WWOX: variants seen among roughly 807,000 people sequenced by gnomAD.
WWOX encodes the protein WW domain-containing oxidoreductase.
A neutral mutation model predicts 46.2 loss-of-function variants in WWOX; 69 were observed. The ratio of observed to expected loss-of-function variants is 1.49; its 90% CI spans 1.23 to 1.82. The LOEUF (loss-of-function observed/expected upper bound fraction) is 1.82. Ranked by LOEUF, WWOX falls within the 40% of genes most tolerant of loss-of-function variation. The probability of loss-of-function intolerance (pLI) is 0.00; values close to 1 mark genes in which losing one functional copy is unlikely to be tolerated. For synonymous variants in WWOX, 359 were observed against 202.6 expected (o/e 1.77, Z -6.56); for missense variants, 919 against 542.6 (o/e 1.69, Z -6.89).
At chr16:78,480,183 TAGC>T (rs899296060) in intron 8 of WWOX, among the ~76,000 whole-genome samples, 20 of 152,200 alleles carry the variant, frequency 1.3e-4, no homozygotes, top group East Asian at 5.8e-4. Context: ...TGCTCTGAAA[TAGC>T]AGCCACATTT....
intron 8 of WWOX, among the ~76,000 whole-genome samples, chr16:78,599,863 CT>C (rs2045579701): frequency 6.6e-6 from 1 of 152,070 alleles, no homozygotes; most frequent in Admixed American, 6.5e-5. Flanking sequence ...AGTGAGCTCT[CT>C]AAATGACAGT....
At chr16:78,726,652 A>C (rs370440489) in intron 8 of WWOX, among the ~76,000 whole-genome samples, 5 of 152,162 alleles carry the variant, frequency 3.3e-5, no homozygotes, top group Admixed American at 2.0e-4. Context: ...AAGGGAGTCA[A>C]CTAAACAATT....
At chr16:78,707,607 G>C (rs2048351527) in intron 8 of WWOX, among the ~76,000 whole-genome samples, 1 of 152,130 alleles carries the variant, frequency 6.6e-6, no homozygotes, top group Non-Finnish European at 1.5e-5. Flanking sequence ...TTAAGGCCCA[G>C]CATGGTGTCT....
rs1555517825 is a variant in WWOX at position 78,314,688 on chromosome 16, G to GGT, written c.517-72172_517-72171insGT. 4.5e-3 allele frequency among the ~76,000 whole-genome samples: 405 copies of GGT among 90,420 alleles called. 6 individuals carry two copies. The highest frequency in any genetic ancestry group is 0.029 in the South Asian group (62 of 2,140). The allele number at this position is 90,420 out of a possible 152,430, so 59.3% of individuals were successfully genotyped here. ...TACAGGCACACCCCACCCTGCAGGG[G>GGT]TTTTTTTTTTTTGTTTTTTTTTTTT... On this transcript the variant is annotated intron_variant, in intron 5 of 8. Coordinates refer to ENST00000566780, the MANE Select transcript of WWOX (RefSeq NM_016373.4).
chr16:78,520,725 C>T (rs2043329558), intron 8 of WWOX, among the ~76,000 whole-genome samples: 1 of 151,856 alleles, frequency 6.6e-6, no homozygotes, highest in African/African-American at 2.4e-5. Context: ...CATTGGCCAC[C>T]CCTGTACCAC....
At chr16:79,188,907 C>T (rs1443467957) in intron 8 of WWOX, among the ~76,000 whole-genome samples, 2 of 152,170 alleles carry the variant, frequency 1.3e-5, no homozygotes, top group African/African-American at 4.8e-5. Flanking sequence ...GCTGAGCTAA[C>T]ATGCACCAGA....
chr16:78,790,607 C>G (rs1735108297), intron 8 of WWOX, among the ~76,000 whole-genome samples: 1 of 152,194 alleles, frequency 6.6e-6, no homozygotes, highest in Admixed American at 6.5e-5. Context: ...AGCCTGTTTT[C>G]TCTCTGGCAG....
chr16:78,878,901 G>GAAAAAAAAA (rs111647544), intron 8 of WWOX, among the ~76,000 whole-genome samples: 1 of 86,910 alleles, frequency 1.2e-5, no homozygotes, highest in African/African-American at 4.4e-5. Context: ...ACAAAAAAAT[G>GAAAAAAAAA]AAAAAAAAAA....
At chr16:78,374,376 T>C (rs1165186655) in intron 5 of WWOX, among the ~76,000 whole-genome samples, 1 of 152,082 alleles carries the variant, frequency 6.6e-6, no homozygotes, top group Non-Finnish European at 1.5e-5. Context: ...CAAACTTCAC[T>C]TGTTAGTGTT....
chr16:78,185,608 T>C (rs1027448134), intron 5 of WWOX, among the ~76,000 whole-genome samples: 2 of 152,094 alleles, frequency 1.3e-5, no homozygotes, highest in Non-Finnish European at 2.9e-5. Context: ...GCTGGAGATA[T>C]GCGTTCATTC....
intron 8 of WWOX, among the ~76,000 whole-genome samples, chr16:78,745,242 C>A (rs570791853): frequency 2.6e-5 from 4 of 152,182 alleles, no homozygotes; most frequent in Admixed American, 1.3e-4. Flanking sequence ...TGTTGGTGGA[C>A]TGATTGATTA....
At chr16:78,119,756 G>A (rs1207769063) in intron 4 of WWOX, among the ~76,000 whole-genome samples, 2 of 151,990 alleles carry the variant, frequency 1.3e-5, no homozygotes, top group African/African-American at 4.8e-5. Context: ...GTGAGCCACT[G>A]TGCCCAGATG....
intron 8 of WWOX, among the ~76,000 whole-genome samples, chr16:78,868,975 A>G (rs2044067549): frequency 6.6e-6 from 1 of 152,152 alleles, no homozygotes; most frequent in South Asian, 2.1e-4. Flanking sequence ...ACAGACACAC[A>G]CACACATGCA....
At chr16:78,152,260 T>G (rs963427868) in intron 4 of WWOX, among the ~76,000 whole-genome samples, 2 of 152,216 alleles carry the variant, frequency 1.3e-5, no homozygotes, top group Non-Finnish European at 2.9e-5. Context: ...TCCTCATTCT[T>G]TTTAGGTGTA....
At chr16:78,558,120 G>C (rs1488958164) in intron 8 of WWOX, among the ~76,000 whole-genome samples, 1 of 152,152 alleles carries the variant, frequency 6.6e-6, no homozygotes, top group Non-Finnish European at 1.5e-5. Context: ...TTGGCTTTCA[G>C]AGAGGTTTGC....
At position 78,817,172 on chromosome 16, in the gene WWOX, CTTTTTTTTTTTTTTT is replaced by C. The variant is rs33981779; in HGVS notation, c.1056+384433_1056+384447del. Among the ~76,000 whole-genome samples, 72 of 51,598 alleles carry C rather than the reference CTTTTTTTTTTTTTTT, an allele frequency of 1.4e-3. 1 individual carries two copies. Among genetic ancestry groups the C allele is most frequent in the African/African-American group, 1.5e-3 (21 of 13,654 alleles). The allele number at this position is 51,598 out of a possible 152,430, so 33.9% of individuals were successfully genotyped here. ...GTTTTTCTTAAACATTAGTGCTATT[CTTTTTTTTTTTTTTT>C]TTTTTTTTTTTTCCTTCTTCAACCC... is the stretch of plus-strand genomic sequence containing the variant. On this transcript the variant is annotated intron_variant, in intron 8 of 8. Coordinates refer to ENST00000566780, the MANE Select transcript of WWOX (RefSeq NM_016373.4).
At chr16:79,087,779 G>A (rs889360527) in intron 8 of WWOX, among the ~76,000 whole-genome samples, 3 of 152,144 alleles carry the variant, frequency 2.0e-5, no homozygotes, top group Admixed American at 6.5e-5. Context: ...AGTTTAGTAC[G>A]TTCTCTTGGT....
intron 8 of WWOX, among the ~76,000 whole-genome samples, chr16:79,201,925 A>C (rs920801561): frequency 1.3e-5 from 2 of 152,218 alleles, no homozygotes. Flanking sequence ...CATTTGATCA[A>C]ATCATTTCCA....
chr16:79,061,129 C>G (rs1340426861), intron 8 of WWOX, among the ~76,000 whole-genome samples: 1 of 152,154 alleles, frequency 6.6e-6, no homozygotes. Context: ...TGCTCACAGT[C>G]TCTCAATCCT....
Sources: gnomAD v4.1 joint callset for allele counts (sites outside exome capture counted in the v4.1 genomes callset) on GRCh38, gnomAD v4.1.1 for gene constraint, MANE v1.5 for transcripts, NCBI Gene and HGNC (gene_info 2026-07-23, HGNC 2026-07-21) for gene names.